SLC45A4: variants seen among roughly 807,000 people sequenced by gnomAD.
SLC45A4 encodes the protein solute carrier family 45 member 4.
SLC45A4 carries 32 observed loss-of-function variants against 63.7 expected under a neutral mutation model. The observed-to-expected ratio is 0.50, with a 90% CI of 0.38 to 0.67. The LOEUF (loss-of-function observed/expected upper bound fraction) is 0.67. SLC45A4 is among the 30% of genes least tolerant of loss of function. SLC45A4 has a pLI of 0.00. For synonymous variants in SLC45A4, 535 were observed against 510.0 expected, an observed-to-expected ratio of 1.05 and a Z score of -0.66; for missense variants, 1,027 against 1,157.7, an observed-to-expected ratio of 0.89 and a Z score of 1.64.
At chr8:141,271,545 A>G (rs1256642904) in intron 1 of SLC45A4, among the ~76,000 whole-genome samples, 1 of 152,164 alleles carries the variant, frequency 6.6e-6, no homozygotes, top group Non-Finnish European at 1.5e-5. Flanking sequence ...GTGTGGGTGG[A>G]TCAAATGGGA....
intron 2 of SLC45A4, 26 bp downstream of exon 2, chr8:141,253,963 T>C (rs1589818084): frequency 6.5e-7 from 1 of 1,535,342 alleles, no homozygotes; most frequent in Non-Finnish European, 8.7e-7. Context: ...CAGCGTTCAC[T>C]GCGCACAGAC....
chr8:141,263,601 TA>T (rs58443196), intron 1 of SLC45A4, among the ~76,000 whole-genome samples: 6,219 of 144,248 alleles, frequency 0.043, 411 homozygotes, highest in African/African-American at 0.14. Flanking sequence ...CATCTCTACT[TA>T]AAAAAAAAAA....
At chr8:141,291,599 G>A (rs1174167937) in intron 1 of SLC45A4, among the ~76,000 whole-genome samples, 2 of 152,228 alleles carry the variant, frequency 1.3e-5, no homozygotes, top group Non-Finnish European at 2.9e-5. Flanking sequence ...ATGTCAGAAA[G>A]TAACAGTCAA....
In SLC45A4 at chr8:141,208,629, C is replaced by T. The variant is rs1185232341; in HGVS notation, c.*2943G>A. On this transcript the variant is annotated 3_prime_UTR_variant, in exon 9 of 9. Coordinates refer to ENST00000517878, the MANE Select transcript of SLC45A4 (RefSeq NM_001286646.2). ...TGTTCAGTGGCAGGTTGGAGGATTC[C>T]AGCTAAGGCCCCTGCCTGAGAGTGA... is the stretch of plus-strand genomic sequence containing the variant. The T allele has an allele frequency of 3.3e-5, 5 of 152,374 alleles. No homozygotes were observed. In the South Asian group the frequency reaches 1.0e-3, roughly 32 times the overall value. 9.4% of individuals were successfully genotyped at this position (152,374 alleles called of 1,614,324 possible). A position where few individuals can be genotyped will look rare whatever the true frequency, so the allele number is the denominator to read the frequency against.
At chr8:141,232,678 G>C (rs772360473) in intron 2 of SLC45A4, among the ~76,000 whole-genome samples, 39 of 149,930 alleles carry the variant, frequency 2.6e-4, no homozygotes, top group Non-Finnish European at 3.8e-4. Flanking sequence ...GTGGCTCCCA[G>C]GTGAGCGCTC....
intron 2 of SLC45A4, chr8:141,252,272 T>G (rs1589814806): frequency 6.6e-6 from 1 of 152,466 alleles, no homozygotes; most frequent in Non-Finnish European, 1.5e-5. Flanking sequence ...CAGTGGGGAC[T>G]CCCTACAGGG....
rs12548000 is a variant in SLC45A4 at position 141,227,634 on chromosome 8, T to C, written c.242-5869A>G. On this transcript the variant is annotated intron_variant, in intron 2 of 8. Coordinates refer to ENST00000517878, the MANE Select transcript of SLC45A4 (RefSeq NM_001286646.2). The surrounding 1 kb of genome is among the most constrained non-coding windows in gnomAD (Gnocchi z 4.4). ...CCGGGCCCCCAGGGCTCGGGCCACCTGCTTGCAAGAGGGGAAGGGCCACTG... is the reference window on the plus strand; with the variant it reads ...CCGGGCCCCCAGGGCTCGGGCCACCCGCTTGCAAGAGGGGAAGGGCCACTG... 0.18 allele frequency among the ~76,000 whole-genome samples: 27,646 copies of C among 152,092 alleles called. 2,689 individuals carry two copies. The highest frequency in any genetic ancestry group is 0.24 in the Admixed American group (3,715 of 15,284).
intron 1 of SLC45A4, among the ~76,000 whole-genome samples, chr8:141,300,636 G>A (rs558267220): frequency 2.2e-4 from 34 of 152,306 alleles, no homozygotes; most frequent in Non-Finnish European, 3.8e-4. Flanking sequence ...GAAGAAGGGC[G>A]GAGCAGGGTG....
At position 141,291,477 on chromosome 8, in the gene SLC45A4, G is replaced by C. The variant is rs546270695; in HGVS notation, c.-401+16619C>G. 9.2e-4 allele frequency among the ~76,000 whole-genome samples: 140 copies of C among 152,162 alleles called. 1 individual carries two copies. Among genetic ancestry groups the C allele is most frequent in the Non-Finnish European group, 1.8e-3 (125 of 68,040 alleles). ...TAGGTTCATACCAAAACAAAAAAGG[G>C]GGGGCAAATAGAAACAAAGGAAAAT... On this transcript the variant is annotated intron_variant, in intron 1 of 8. Coordinates refer to ENST00000517878, the MANE Select transcript of SLC45A4 (RefSeq NM_001286646.2).
At chr8:141,231,457 G>A (rs548982006) in intron 2 of SLC45A4, among the ~76,000 whole-genome samples, 2 of 152,228 alleles carry the variant, frequency 1.3e-5, no homozygotes, top group Non-Finnish European at 2.9e-5. Flanking sequence ...TGGATCACAA[G>A]GTCACCACTG....
chr8:141,244,103 C>T (rs916150344), intron 2 of SLC45A4, among the ~76,000 whole-genome samples: 2 of 152,154 alleles, frequency 1.3e-5, no homozygotes, highest in Non-Finnish European at 2.9e-5. Flanking sequence ...AACTCGGCTA[C>T]TTGGGAGACT....
In SLC45A4 at chr8:141,208,265, G is replaced by A. The variant is rs1825623988; in HGVS notation, c.*3307C>T. 1 of 152,242 alleles carries A rather than the reference G, an allele frequency of 6.6e-6. No individual in the cohort carries two copies. The highest frequency in any genetic ancestry group is 6.5e-5 in the Admixed American group (1 of 15,280). The allele number at this position is 152,242 out of a possible 1,614,324, so 9.4% of individuals were successfully genotyped here. A position where few individuals can be genotyped will look rare whatever the true frequency, so the allele number is the denominator to read the frequency against. On this transcript the variant is annotated 3_prime_UTR_variant, in exon 9 of 9. Coordinates refer to ENST00000517878, the MANE Select transcript of SLC45A4 (RefSeq NM_001286646.2). Reference sequence around the variant, plus strand: ...AAACCATTAGCCATATAAGGGAACAGTTGGTATCTTTAAGAGTATTTTTCA... The same window carrying A: ...AAACCATTAGCCATATAAGGGAACAATTGGTATCTTTAAGAGTATTTTTCA...
rs546713813 is a variant in SLC45A4, at chr8:141,281,912, G to A, written c.-401+26184C>T. On this transcript the variant is annotated intron_variant, in intron 1 of 8. Coordinates refer to ENST00000517878, the MANE Select transcript of SLC45A4 (RefSeq NM_001286646.2). Reference sequence around the variant, plus strand: ...GCCAGTGAAAGCCTGGCCCCCGTCCGGAGCTGCACGGCACCTTTCCTAACG... The same window carrying A: ...GCCAGTGAAAGCCTGGCCCCCGTCCAGAGCTGCACGGCACCTTTCCTAACG... 3.3e-5 allele frequency among the ~76,000 whole-genome samples: 5 copies of A among 152,194 alleles called. No homozygotes were observed. The East Asian group carries it at 9.7e-4, about 29-fold the overall frequency.
At position 141,301,143 on chromosome 8, in the gene SLC45A4, G is replaced by C. The variant is rs115876104; in HGVS notation, c.-401+6953C>G. On this transcript the variant is annotated intron_variant, in intron 1 of 8. Transcript: ENST00000517878. Reference sequence around the variant, plus strand: ...GCCTGCCTGCCCCGCCTAGACAAGAGGAAGGCACTCTTCCCAGGGAACGTT... The same window carrying C: ...GCCTGCCTGCCCCGCCTAGACAAGACGAAGGCACTCTTCCCAGGGAACGTT... 5.1e-3 allele frequency among the ~76,000 whole-genome samples: 776 copies of C among 152,302 alleles called. 8 individuals are homozygous for C. Among genetic ancestry groups the C allele is most frequent in the African/African-American group, 0.017 (715 of 41,544 alleles).
At chr8:141,294,543 T>C (rs1025337491) in intron 1 of SLC45A4, among the ~76,000 whole-genome samples, 1 of 152,204 alleles carries the variant, frequency 6.6e-6, no homozygotes, top group African/African-American at 2.4e-5. Flanking sequence ...TGGAGCCCCA[T>C]GAGGCCTCCC....
chr8:141,300,983 C>T (rs1830725859), intron 1 of SLC45A4, among the ~76,000 whole-genome samples: 1 of 152,202 alleles, frequency 6.6e-6, no homozygotes, highest in South Asian at 2.1e-4. Flanking sequence ...CGTGCAAACA[C>T]AGGAGCATCC....
Position 141,217,203 on chromosome 8 carries a change from G to A in SLC45A4, c.1630-14C>T. 1 of 1,613,082 alleles carries A rather than the reference G, an allele frequency of 6.2e-7. No homozygotes were observed. Among genetic ancestry groups the A allele is most frequent in the South Asian group, 1.1e-5 (1 of 91,062 alleles). On this transcript the variant is annotated splice_polypyrimidine_tract_variant and intron_variant, in intron 5 of 8. Transcript: ENST00000517878. The stretch of plus-strand genomic sequence containing the variant: ...GTTCGAGGGGGCCTGTTCCGGAAAT[G>A]AGACGGGGGCTGACGAGGGCATCTG...
chr8:141,291,670 AACT>A (rs1830352278), intron 1 of SLC45A4, among the ~76,000 whole-genome samples: 1 of 152,230 alleles, frequency 6.6e-6, no homozygotes, highest in African/African-American at 2.4e-5. Context: ...CTACAGGTAA[AACT>A]ACTGGCATCT....
chr8:141,248,720 A>T (rs1828332158), intron 2 of SLC45A4, among the ~76,000 whole-genome samples: 1 of 152,112 alleles, frequency 6.6e-6, no homozygotes, highest in Admixed American at 6.6e-5. Context: ...AAGAATATAT[A>T]AAAAAACAAA....
Sources: allele counts gnomAD v4.1 joint callset (sites outside exome capture counted in the v4.1 genomes callset), GRCh38; gene constraint gnomAD v4.1.1; non-coding constraint Gnocchi (gnomAD v3.1); transcripts MANE v1.5; gene names NCBI Gene and HGNC (gene_info 2026-07-23, HGNC 2026-07-21).